Variants in CHCHD6 observed in about 807,000 individuals in gnomAD.
The protein encoded by CHCHD6 is MICOS complex subunit MIC25.
In CHCHD6, 28 loss-of-function variants were observed where a neutral mutation model predicts 32.3. The observed-to-expected ratio is 0.87, with a 90% CI of 0.64 to 1.19. The LOEUF is 1.19. CHCHD6 is among the 50% of genes most tolerant of loss of function. The pLI, the probability that CHCHD6 is intolerant of heterozygous loss-of-function variation, is 0.00. For missense variants in CHCHD6, 333 were observed against 307.0 expected (o/e 1.08, Z -0.63); for synonymous variants, 122 against 117.5 (o/e 1.04, Z -0.25).
At chr3:126,813,217 C>G (rs1377400577) in intron 4 of CHCHD6, among the ~76,000 whole-genome samples, 2 of 152,140 alleles carry the variant, frequency 1.3e-5, no homozygotes, top group African/African-American at 4.8e-5. Context: ...AGTCATGCCC[C>G]TTTTCTGAGC....
intron 5 of CHCHD6, among the ~76,000 whole-genome samples, chr3:126,888,388 T>G (rs891172867): frequency 8.5e-5 from 13 of 152,228 alleles, no homozygotes; most frequent in Non-Finnish European, 1.6e-4. Flanking sequence ...TTCTGTTATC[T>G]AACATCTGAG....
At chr3:126,840,993 A>T (rs1396798791) in intron 4 of CHCHD6, among the ~76,000 whole-genome samples, 1 of 152,108 alleles carries the variant, frequency 6.6e-6, no homozygotes, top group Non-Finnish European at 1.5e-5. Flanking sequence ...CGCTGCACCC[A>T]CTAATTTGTC....
chr3:126,800,014 A>G (rs1243968921), intron 4 of CHCHD6, among the ~76,000 whole-genome samples: 1 of 152,176 alleles, frequency 6.6e-6, no homozygotes, highest in Non-Finnish European at 1.5e-5. Context: ...CCAATTATCT[A>G]TTATTATATA....
chr3:126,914,873 T>C, intron 6 of CHCHD6, 123 bp downstream of exon 6: 1 of 680,338 alleles, frequency 1.5e-6, no homozygotes, highest in Non-Finnish European at 2.7e-6. Context: ...CACAACCATC[T>C]GTTCCTCAGC....
rs529798951 is a variant in CHCHD6, at chr3:126,882,212, C to T, written c.495+29482C>T. ...CCAGGTATCAGCAGGTAGCAGGAAG[C>T]GGTGTGGAGTAGTGGCAAGAGTACC... On this transcript the variant is annotated intron_variant, in intron 5 of 7. Coordinates refer to ENST00000290913, the MANE Select transcript of CHCHD6 (RefSeq NM_032343.3). Among the ~76,000 whole-genome samples the T allele has an allele frequency of 2.0e-4, 30 of 152,312 alleles. 1 individual carries two copies. In the South Asian group the frequency reaches 5.2e-3, roughly 26 times the overall value.
At position 126,891,053 on chromosome 3, in the gene CHCHD6, CT is replaced by C. The variant is rs564112014; in HGVS notation, c.496-23626del. On this transcript the variant is annotated intron_variant, in intron 5 of 7. Transcript: ENST00000290913. The stretch of plus-strand genomic sequence containing the variant: ...TTTAGTAGCTACTGTGTACCAGGCA[CT>C]GCCCTGTGTGCTGGGGAGTTAGCAA... Among the ~76,000 whole-genome samples the C allele has an allele frequency of 2.0e-5, 3 of 152,320 alleles. No individual in the cohort carries two copies. The South Asian group carries it at 6.2e-4, about 32-fold the overall frequency.
Position 126,734,605 on chromosome 3 carries a change from G to T in CHCHD6, c.411+1383G>T, listed in dbSNP as rs146527604. ...AATGTAGGATCCTAGCCCTCGGGAA[G>T]TTTTAGTCTGTGGAGAAGACAAACT... On this transcript the variant is annotated intron_variant, in intron 4 of 7. Transcript: ENST00000290913. Among the ~76,000 whole-genome samples, 886 of 152,344 alleles carry T rather than the reference G, an allele frequency of 5.8e-3. 8 individuals carry two copies. Among genetic ancestry groups the T allele is most frequent in the African/African-American group, 0.02 (833 of 41,584 alleles).
intron 4 of CHCHD6, among the ~76,000 whole-genome samples, chr3:126,834,053 C>CAAAAAAAAA (rs55790919): frequency 6.8e-5 from 3 of 44,430 alleles, no homozygotes; most frequent in African/African-American, 1.4e-4. Flanking sequence ...GACTCCGTCT[C>CAAAAAAAAA]AAAAAAAAAA....
At chr3:126,842,430 G>A (rs1941130669) in intron 4 of CHCHD6, among the ~76,000 whole-genome samples, 1 of 152,138 alleles carries the variant, frequency 6.6e-6, no homozygotes, top group Admixed American at 6.5e-5. Context: ...TCAGTTTGGT[G>A]ATCCACCAAT....
chr3:126,707,987 T>C (rs2107648524), intron 1 of CHCHD6, among the ~76,000 whole-genome samples: 1 of 152,194 alleles, frequency 6.6e-6, no homozygotes, highest in African/African-American at 2.4e-5. Context: ...GTAGGGAGAA[T>C]GGACCAGAAA....
Position 126,718,179 on chromosome 3 carries a change from A to G in CHCHD6, c.88-8899A>G, listed in dbSNP as rs144713191. On this transcript the variant is annotated intron_variant, in intron 1 of 7. Coordinates refer to ENST00000290913, the MANE Select transcript of CHCHD6 (RefSeq NM_032343.3). ...GACTTGCTCAAGGTTGCAAAGCTAC[A>G]TGGAGAGCACTTAGAACAGTGCTGA... 6.6e-5 allele frequency among the ~76,000 whole-genome samples: 10 copies of G among 152,354 alleles called. No individual in the cohort carries two copies. In the East Asian group the frequency reaches 1.9e-3, roughly 29 times the overall value.
chr3:126,921,648 C>G (rs935951945), intron 6 of CHCHD6, among the ~76,000 whole-genome samples: 2 of 152,196 alleles, frequency 1.3e-5, no homozygotes, highest in Non-Finnish European at 2.9e-5. Flanking sequence ...AGGTTATTAA[C>G]TATTTCCTGA....
intron 6 of CHCHD6, among the ~76,000 whole-genome samples, chr3:126,928,765 C>CCA (rs1172291011): frequency 6.6e-6 from 1 of 152,104 alleles, no homozygotes; most frequent in Non-Finnish European, 1.5e-5. Flanking sequence ...GTCCCCACCA[C>CCA]CACACACACA....
intron 4 of CHCHD6, among the ~76,000 whole-genome samples, chr3:126,764,200 C>CATATATATATATATATATATAT (rs143293559): frequency 1.4e-5 from 2 of 139,806 alleles, no homozygotes; most frequent in South Asian, 4.7e-4. Context: ...TACATACATG[C>CATATATATATATATATATATAT]ATATATATAT....
intron 5 of CHCHD6, among the ~76,000 whole-genome samples, chr3:126,870,754 G>T (rs1310165484): frequency 6.6e-6 from 1 of 152,188 alleles, no homozygotes; most frequent in East Asian, 1.9e-4. Flanking sequence ...AAAGACAAAA[G>T]GTGACAACAT....
chr3:126,865,919 C>A (rs1235381021), intron 5 of CHCHD6, among the ~76,000 whole-genome samples: 1 of 152,182 alleles, frequency 6.6e-6, no homozygotes, highest in East Asian at 1.9e-4. Context: ...GGGTAGTTGT[C>A]TGTGCCAGGA....
intron 5 of CHCHD6, among the ~76,000 whole-genome samples, chr3:126,889,889 G>A (rs920480451): frequency 1.3e-5 from 2 of 152,228 alleles, no homozygotes; most frequent in Non-Finnish European, 1.5e-5. Context: ...AGATGTGAGG[G>A]TGGCCCCTGC....
intron 4 of CHCHD6, among the ~76,000 whole-genome samples, chr3:126,779,715 C>T (rs1025163319): frequency 1.3e-5 from 2 of 152,078 alleles, no homozygotes; most frequent in Admixed American, 1.3e-4. Flanking sequence ...TAGTCTTTCC[C>T]CATTGAGTTG....
chr3:126,854,287 G>A (rs1365464863), intron 5 of CHCHD6, among the ~76,000 whole-genome samples: 1 of 152,058 alleles, frequency 6.6e-6, no homozygotes, highest in Non-Finnish European at 1.5e-5. Flanking sequence ...GTTATTAAAT[G>A]CTTCCAGAAG....
Sources: gnomAD v4.1 joint callset for allele counts (sites outside exome capture counted in the v4.1 genomes callset) on GRCh38, gnomAD v4.1.1 for gene constraint, MANE v1.5 for transcripts, NCBI Gene and HGNC (gene_info 2026-07-23, HGNC 2026-07-21) for gene names.